SOX13: variants seen among roughly 807,000 people sequenced by gnomAD.
SOX13 encodes SRY-box transcription factor 13, also known as transcription factor SOX-13.
In SOX13, 28 loss-of-function variants were observed where a neutral mutation model predicts 71.8. The ratio of observed to expected loss-of-function variants is 0.39; its 90% CI spans 0.29 to 0.53. SOX13 has a LOEUF of 0.53. SOX13 is among the 20% of genes least tolerant of loss of function. The pLI is 0.70. For missense variants in SOX13, 627 were observed against 810.3 expected (o/e 0.77, Z 2.75); for synonymous variants, 309 against 317.8 (o/e 0.97, Z 0.29).
At chr1:204,093,814 G>GGCACTGTCATT in intron 1 of SOX13, among the ~76,000 whole-genome samples, 1 of 152,296 alleles carries the variant, frequency 6.6e-6, no homozygotes, top group South Asian at 2.1e-4. Context: ...CTTAGCTTGT[G>GGCACTGTCATT]ATCACTCAGT....
intron 4 of SOX13, among the ~76,000 whole-genome samples, chr1:204,115,246 A>G (rs566815193): frequency 3.3e-5 from 5 of 151,330 alleles, no homozygotes; most frequent in Non-Finnish European, 5.9e-5. Flanking sequence ...GGGCCTAAAC[A>G]GTCCTCCCAC....
chr1:204,122,710 C>G (rs1656834477), intron 9 of SOX13, 144 bp from the exon 10 acceptor site: 3 of 626,906 alleles, frequency 4.8e-6, no homozygotes, highest in Non-Finnish European at 8.6e-6. Flanking sequence ...AATGCAGCCG[C>G]CCTGTGGAAG....
At chr1:204,077,466 C>T (rs182924131) in intron 1 of SOX13, among the ~76,000 whole-genome samples, 2 of 152,272 alleles carry the variant, frequency 1.3e-5, no homozygotes, top group Admixed American at 1.3e-4. Context: ...ACCCTTTTGT[C>T]CTTTCTGAAT....
chr1:204,085,539 G>A (rs1655998473), intron 1 of SOX13, among the ~76,000 whole-genome samples: 1 of 152,130 alleles, frequency 6.6e-6, no homozygotes, highest in African/African-American at 2.4e-5. Context: ...AGGTCTCTAG[G>A]ATGCCCTGGA....
chr1:204,103,487 T>C, intron 1 of SOX13, among the ~76,000 whole-genome samples: 1 of 152,228 alleles, frequency 6.6e-6, no homozygotes, highest in East Asian at 1.9e-4. Flanking sequence ...AGTGTTCTTG[T>C]GAGGATTAAG....
In SOX13 at chr1:204,122,950, C is replaced by T; in HGVS notation, c.1121C>T (p.Thr374Ile). Residue 374 changes from threonine (T) to isoleucine (I), a missense_variant, in exon 10 of 14, where the codon ACC (threonine) becomes ATC (isoleucine). Transcript: ENST00000367204. ...HSGALDGSPN[T>I]PFRKDLISLD... is the part of the protein sequence containing the mutation. The stretch of plus-strand genomic sequence containing the variant: ...GGGGCCTTGGATGGCTCCCCCAACA[C>T]CCCCTTCCGTAAGGTATGGTCCCCC... The T allele has an allele frequency of 6.3e-7, 1 of 1,586,770 alleles. No homozygotes were observed.
chr1:204,080,438 C>A (rs2102220604), intron 1 of SOX13, among the ~76,000 whole-genome samples: 1 of 152,290 alleles, frequency 6.6e-6, no homozygotes, highest in South Asian at 2.1e-4. Context: ...TGGCTCCCCT[C>A]CCGCTCTGGT....
intron 1 of SOX13, among the ~76,000 whole-genome samples, chr1:204,088,401 A>G (rs1414616346): frequency 6.6e-6 from 1 of 152,236 alleles, no homozygotes; most frequent in African/African-American, 2.4e-5. Context: ...AGAGCGAGGC[A>G]GAAAGAGCAG....
chr1:204,079,816 A>T lies in SOX13; in HGVS notation c.-2+6105A>T, dbSNP rs551434110. On this transcript the variant is annotated intron_variant, in intron 1 of 13. Transcript: ENST00000367204. ...TCAGGGAGGACCTCCATGGTCTCAG[A>T]TGGAACAGCAGCAGTGGTCAGACCT... is the stretch of plus-strand genomic sequence containing the variant. 4.6e-5 allele frequency among the ~76,000 whole-genome samples: 7 copies of T among 152,314 alleles called. No homozygotes were observed. The South Asian group carries it at 1.4e-3, about 32-fold the overall frequency.
intron 1 of SOX13, among the ~76,000 whole-genome samples, chr1:204,093,844 C>T (rs183859527): frequency 3.5e-4 from 53 of 152,320 alleles, no homozygotes; most frequent in African/African-American, 1.2e-3. Flanking sequence ...CTGTCATTAT[C>T]TTTCTGATGA....
chr1:204,115,475 G>GTTTT (rs1230069563), intron 4 of SOX13, among the ~76,000 whole-genome samples: 1 of 58,942 alleles, frequency 1.7e-5, no homozygotes, highest in Non-Finnish European at 2.9e-5. Context: ...TTCCGATGTT[G>GTTTT]TTTTTTTTTT....
chr1:204,105,389 A>AAG (rs1217308137), intron 1 of SOX13, among the ~76,000 whole-genome samples: 1 of 147,590 alleles, frequency 6.8e-6, no homozygotes, highest in Admixed American at 6.7e-5. Context: ...CAGCTGGCTG[A>AAG]AGGCCTCTGA....
chr1:204,123,847 T>C lies in SOX13; in HGVS notation c.1375+43T>C. Reference sequence around the variant, plus strand: ...GGGCCATGGTTCAGTGTGACCTGGTTGCAGGAGCCAGCTGGGTCTATTCAG... The same window carrying C: ...GGGCCATGGTTCAGTGTGACCTGGTCGCAGGAGCCAGCTGGGTCTATTCAG... On this transcript the variant is annotated intron_variant, in intron 12 of 13. Coordinates refer to ENST00000367204, the MANE Select transcript of SOX13 (RefSeq NM_005686.3). The surrounding 1 kb of genome is among the most constrained non-coding windows in gnomAD (Gnocchi z 5.0). 1.2e-6 allele frequency: 2 copies of C among 1,608,400 alleles called. No homozygotes were observed. The highest frequency in any genetic ancestry group is 1.7e-6 in the Non-Finnish European group (2 of 1,175,440).
Position 204,126,070 on chromosome 1 carries a change from G to A in SOX13, c.1805G>A (p.Ser602Asn). 6.2e-7 allele frequency: 1 copy of A among 1,614,016 alleles called. No homozygotes were observed. The highest frequency in any genetic ancestry group is 8.5e-7 in the Non-Finnish European group (1 of 1,179,890). Residue 602 changes from serine to asparagine, a missense_variant, in exon 14 of 14, where the codon AGC becomes AAC. Physicochemically the swap from Ser to Asn is conservative, Grantham distance 46. Around this residue, in one of 3 missense-constraint regions of SOX13, gnomAD observed 148 missense variants for 192.7 expected, o/e 0.77. Transcript: ENST00000367204. ...GCTGATGGCGAGATGTACCGGTACA[G>A]CGAGGACGAGGACTCGGAGGGCGAA... ...SVADGEMYRYSEDEDSEGEEK... is the reference protein window; with the variant it reads ...SVADGEMYRYNEDEDSEGEEK...
In SOX13 at chr1:204,116,497, T is replaced by C. The variant is rs563700574; in HGVS notation, c.419-10T>C. 8.9e-5 allele frequency: 143 copies of C among 1,613,540 alleles called. No homozygotes were observed. The Admixed American group carries it at 1.2e-3, about 14-fold the overall frequency. On this transcript the variant is annotated splice_polypyrimidine_tract_variant and intron_variant, in intron 4 of 13. Coordinates refer to ENST00000367204, the MANE Select transcript of SOX13 (RefSeq NM_005686.3). The stretch of plus-strand genomic sequence containing the variant: ...AAAGTCTCAATGGGGTCTGTTTCAC[T>C]GTGGAGCAGGGACCCAAGAGAGCCT...
chr1:204,123,043 A>G lies in SOX13; in HGVS notation c.1135-69A>G. The G allele has an allele frequency of 6.6e-7, 1 of 1,520,806 alleles. No individual in the cohort carries two copies. 94.2% of individuals were successfully genotyped at this position (1,520,806 alleles called of 1,614,324 possible). ...TGGAAGACACAGTCTGAGGCCACCA[A>G]GAGAGGAGCATGGGGAGGAGTGGGG... is the stretch of plus-strand genomic sequence containing the variant. On this transcript the variant is annotated intron_variant, in intron 10 of 13. Coordinates refer to ENST00000367204, the MANE Select transcript of SOX13 (RefSeq NM_005686.3). The surrounding 1 kb of genome is among the most constrained non-coding windows in gnomAD (Gnocchi z 5.0).
chr1:204,099,781 G>A (rs1656324833), intron 1 of SOX13, among the ~76,000 whole-genome samples: 1 of 152,138 alleles, frequency 6.6e-6, no homozygotes, highest in South Asian at 2.1e-4. Context: ...TTATTATGAA[G>A]ATTAAATGAA....
chr1:204,114,417 C>A lies in SOX13; in HGVS notation c.316C>A (p.Arg106=). ...SGSQEKLDFN[R]NLKEVVPAIE... ...AAGCCAGGAGAAGCTGGACTTCAAC[C>A]GAAATTTGAAAGAAGGTAGGATGTC... is the stretch of plus-strand genomic sequence containing the variant. Residue 106 remains arginine (R), a synonymous_variant, in exon 3 of 14, where the codon CGA becomes AGA. Transcript: ENST00000367204. 6.2e-7 allele frequency: 1 copy of A among 1,612,726 alleles called. No individual in the cohort carries two copies. The highest frequency in any genetic ancestry group is 1.1e-5 in the South Asian group (1 of 90,866).
chr1:204,115,340 TCACACC>T (rs1382206724), intron 4 of SOX13, among the ~76,000 whole-genome samples: 7 of 152,002 alleles, frequency 4.6e-5, no homozygotes, highest in Admixed American at 2.6e-4. Flanking sequence ...TTGTCATTGA[TCACACC>T]CACAGAGGGA....
Sources: allele counts gnomAD v4.1 joint callset (sites outside exome capture counted in the v4.1 genomes callset), GRCh38; gene constraint gnomAD v4.1.1; regional missense constraint gnomAD v4.1.1; non-coding constraint Gnocchi (gnomAD v3.1); transcripts MANE v1.5; gene names NCBI Gene and HGNC (gene_info 2026-07-23, HGNC 2026-07-21).